The following RPL7A variants were observed in gnomAD, a reference collection of about 807,000 sequenced individuals.
RPL7A encodes ribosomal protein L7a.
For missense variants in RPL7A, 291 were observed against 338.2 expected, an observed-to-expected ratio of 0.86 and a Z score of 1.09; for synonymous variants, 158 against 128.2, an observed-to-expected ratio of 1.23 and a Z score of -1.57.
intron 4 of RPL7A, 70 bp downstream of exon 4, chr9:133,350,122 G>A (rs2129991513): frequency 6.2e-7 from 1 of 1,613,802 alleles, no homozygotes; most frequent in Admixed American, 1.7e-5. Flanking sequence ...TTCTTGGCCT[G>A]AAATTACTGT....
At chr9:133,348,733 C>A in intron 1 of RPL7A, 189 bp from the exon 2 acceptor site, 1 of 874,798 alleles carries the variant, frequency 1.1e-6, no homozygotes. Flanking sequence ...CCCGGGGCTG[C>A]ATGCTTGTGC....
Position 133,350,149 on chromosome 9 carries a change from CT to C in RPL7A, c.416-86del, listed in dbSNP as rs2129991676. On this transcript the variant is annotated intron_variant, in intron 4 of 7. Coordinates refer to ENST00000323345, the MANE Select transcript of RPL7A (RefSeq NM_000972.3). Reference sequence around the variant, plus strand: ...AATTACTGTGAAGAGTAAAACCGAGCTTTTTAACACTGAGTCAGCAGCTGAG... The same window carrying C: ...AATTACTGTGAAGAGTAAAACCGAGCTTTTAACACTGAGTCAGCAGCTGAG... 617 of 1,612,198 alleles carry C rather than the reference CT, an allele frequency of 3.8e-4. 6 individuals carry two copies. In the South Asian group the frequency reaches 6.5e-3, roughly 17 times the overall value.
intron 1 of RPL7A, 84 bp downstream of exon 1, chr9:133,348,330 G>A (rs1015759281): frequency 2.5e-6 from 4 of 1,571,058 alleles, no homozygotes; most frequent in Admixed American, 3.3e-5. Flanking sequence ...GCCTCGGAGG[G>A]CCTCCTGCTC....
At chr9:133,350,831 T>A in intron 6 of RPL7A, 104 bp downstream of exon 6, 2 of 1,571,984 alleles carry the variant, frequency 1.3e-6, no homozygotes, top group Non-Finnish European at 1.8e-6. Flanking sequence ...TTAAGAAATA[T>A]ATTTATCTGA....
In RPL7A at chr9:133,349,962, G is replaced by A. The variant is rs2129990109; in HGVS notation, c.325G>A (p.Glu109Lys). The change falls in exon 4 of 8, where the codon GAG becomes AAG. Residue 109 changes from glutamate to lysine, a missense_variant. Glu to Lys is a moderately conservative substitution (Grantham distance 56). Coordinates refer to ENST00000323345, the MANE Select transcript of RPL7A (RefSeq NM_000972.3). ...AHKYRPETKQ[E>K]KKQRLLARAE... ...CAAGTACAGACCAGAGACAAAGCAA[G>A]AGAAGAAGCAGAGACTGTTGGCCCG... is the stretch of plus-strand genomic sequence containing the variant. 1 of 1,612,116 alleles carries A rather than the reference G, an allele frequency of 6.2e-7. No individual in the cohort carries two copies. Among genetic ancestry groups the A allele is most frequent in the East Asian group, 2.2e-5 (1 of 44,882 alleles).
Position 133,350,392 on chromosome 9 carries a change from A to C in RPL7A, c.495+73A>C. 3 of 1,570,618 alleles carry C rather than the reference A, an allele frequency of 1.9e-6. No homozygotes were observed. In the South Asian group the frequency reaches 3.3e-5, roughly 17 times the overall value. ...GGAAGAGAGAGTAGACCTAATGCCA[A>C]GTCAGTGATGGGACCGAAGTGGGTG... On this transcript the variant is annotated intron_variant, in intron 5 of 7. Transcript: ENST00000323345.
At chr9:133,348,518 CG>C in intron 1 of RPL7A, 2 of 603,918 alleles carry the variant, frequency 3.3e-6, no homozygotes, top group Non-Finnish European at 5.9e-6. Flanking sequence ...CACCGCAGTG[CG>C]GGGCTCGGAG....
Position 133,349,987 on chromosome 9 carries a change from G to A in RPL7A, c.350G>A (p.Arg117Gln), listed in dbSNP as rs11549055. The change falls in exon 4 of 8, where the codon CGG becomes CAG. Residue 117 changes from arginine (R) to glutamine (Q), a missense_variant. By Grantham distance (43) the Arg-to-Gln change is conservative (BLOSUM62 1). Coordinates refer to ENST00000323345, the MANE Select transcript of RPL7A (RefSeq NM_000972.3). ...GAGAAGAAGCAGAGACTGTTGGCCC[G>A]GGCCGAGAAGAAGGCTGCTGGCAAA... is the stretch of plus-strand genomic sequence containing the variant. ...KQEKKQRLLA[R>Q]AEKKAAGKGD... is the part of the protein sequence containing the mutation. The A allele has an allele frequency of 3.1e-6, 5 of 1,612,544 alleles. No individual in the cohort carries two copies. Among genetic ancestry groups the A allele is most frequent in the African/African-American group, 1.3e-5 (1 of 75,004 alleles).
chr9:133,349,923 C>G lies in RPL7A; in HGVS notation c.286C>G (p.Leu96Val), dbSNP rs2129989771. 2 of 1,611,632 alleles carry G rather than the reference C, an allele frequency of 1.2e-6. No homozygotes were observed. The highest frequency in any genetic ancestry group is 2.2e-5 in the South Asian group (2 of 90,996). ...ALDRQTATQL[L>V]KLAHKYRPET... Reference sequence around the variant, plus strand: ...GAGTGTTTTTCCAGCTACTCAGCTGCTTAAGCTGGCCCACAAGTACAGACC... The same window carrying G: ...GAGTGTTTTTCCAGCTACTCAGCTGGTTAAGCTGGCCCACAAGTACAGACC... Residue 96 changes from leucine (L) to valine (V), a missense_variant, in exon 4 of 8, where the codon CTT becomes GTT. Leu to Val is a conservative substitution (Grantham distance 32). Transcript: ENST00000323345.
rs1272667068 is a variant in RPL7A, at chr9:133,349,678, C to G, written c.252C>G (p.Thr84=). The G allele has an allele frequency of 6.2e-7, 1 of 1,613,930 alleles. No individual in the cohort carries two copies. The highest frequency in any genetic ancestry group is 1.3e-5 in the African/African-American group (1 of 74,926). ...TGCCTCCTGCGATTAACCAGTTCAC[C>G]CAGGCCCTGGACCGCCAAACAGGTG... ...LKVPPAINQF[T]QALDRQTATQ... The change falls in exon 3 of 8, where the codon ACC becomes ACG. Residue 84 remains threonine, a synonymous_variant. Coordinates refer to ENST00000323345, the MANE Select transcript of RPL7A (RefSeq NM_000972.3).
chr9:133,350,893 C>A, intron 6 of RPL7A, 109 bp from the exon 7 acceptor site: 1 of 1,460,232 alleles, frequency 6.8e-7, no homozygotes, highest in African/African-American at 1.4e-5. Flanking sequence ...ACCATGTGGT[C>A]AGCATTGCAT....
chr9:133,350,459 C>A lies in RPL7A; in HGVS notation c.496-138C>A, dbSNP rs200860154. The A allele has an allele frequency of 6.6e-6, 10 of 1,516,088 alleles. No homozygotes were observed. In the East Asian group the frequency reaches 6.8e-5, roughly 10 times the overall value. The allele number at this position is 1,516,088 out of a possible 1,614,324, so 93.9% of individuals were successfully genotyped here. Reference sequence around the variant, plus strand: ...AGATCCAACACATGCGTGGCTCTTGCAATGATGTGAATCTCTCACTGAATT... The same window carrying A: ...AGATCCAACACATGCGTGGCTCTTGAAATGATGTGAATCTCTCACTGAATT... On this transcript the variant is annotated intron_variant, in intron 5 of 7. Coordinates refer to ENST00000323345, the MANE Select transcript of RPL7A (RefSeq NM_000972.3).
At chr9:133,350,847 T>C (rs1162993230) in intron 6 of RPL7A, 120 bp downstream of exon 6, 1 of 1,547,654 alleles carries the variant, frequency 6.5e-7, no homozygotes, top group African/African-American at 1.4e-5. Flanking sequence ...TCTGAACTTT[T>C]GCCAATGATG....
Position 133,349,169 on chromosome 9 carries a change from T to TA in RPL7A, c.124+128dup, listed in dbSNP as rs1182838464. The TA allele has an allele frequency of 9.7e-6, 11 of 1,130,752 alleles. No homozygotes were observed. In the South Asian group the frequency reaches 1.0e-4, roughly 10 times the overall value. The allele number at this position is 1,130,752 out of a possible 1,614,324, so 70.0% of individuals were successfully genotyped here. ...GTCGCAGTCCTTAATTTGTGTCTCT[T>TA]AGAGACGGGGGCAATGATACATGCT... is the stretch of plus-strand genomic sequence containing the variant. On this transcript the variant is annotated intron_variant, in intron 2 of 7. Coordinates refer to ENST00000323345, the MANE Select transcript of RPL7A (RefSeq NM_000972.3).
At chr9:133,348,489 G>A in intron 1 of RPL7A, 1 of 617,312 alleles carries the variant, frequency 1.6e-6, no homozygotes, top group Non-Finnish European at 2.8e-6. Context: ...TCGCAGGGCT[G>A]GGTGTCGCAG....
chr9:133,348,445 G>A (rs945502674), intron 1 of RPL7A, 199 bp downstream of exon 1: 6 of 735,974 alleles, frequency 8.2e-6, no homozygotes, highest in Non-Finnish European at 1.3e-5. Context: ...CTAGAGCCCC[G>A]GGCGGCCGAG....
rs1836334571 is a variant in RPL7A at position 133,349,853 on chromosome 9, G to A, written c.275-59G>A. On this transcript the variant is annotated intron_variant, in intron 3 of 7. Coordinates refer to ENST00000323345, the MANE Select transcript of RPL7A (RefSeq NM_000972.3). ...CGCAGTCCAGCATTTGTTATTAAGT[G>A]TTAAGTGACAAGGATTAGAACCTTG... 5.0e-6 allele frequency: 8 copies of A among 1,597,756 alleles called. No homozygotes were observed. In the Admixed American group the frequency reaches 6.9e-5, roughly 14 times the overall value.
intron 1 of RPL7A, 159 bp downstream of exon 1, chr9:133,348,405 C>T (rs1836273639): frequency 5.8e-6 from 6 of 1,031,904 alleles, no homozygotes; most frequent in Non-Finnish European, 8.9e-6. Flanking sequence ...TAGAGCCCCA[C>T]TTGGTGTGGC....
chr9:133,348,656 T>C (rs2129979733), intron 1 of RPL7A: 8,808 of 679,656 alleles, frequency 0.013, 83 homozygotes, highest in East Asian at 0.023. Context: ...GTCCGGGGTG[T>C]CTCCTGGGTG....
Sources: allele counts gnomAD v4.1 joint callset, GRCh38; gene constraint gnomAD v4.1.1; transcripts MANE v1.5; gene names NCBI Gene and HGNC (gene_info 2026-07-23, HGNC 2026-07-21).